The following FBN1 variants were observed in gnomAD, a reference collection of about 807,000 sequenced individuals.
FBN1 encodes fibrillin 1.
Under a neutral mutation model 365.1 loss-of-function variants are expected in FBN1, and 29 were observed. The observed-to-expected ratio is 0.08, with a 90% CI of 0.06 to 0.11. The LOEUF (loss-of-function observed/expected upper bound fraction) is 0.11, where lower values mean the gene tolerates loss of function less well. Ranked by LOEUF, FBN1 falls within the 10% of genes least tolerant of loss-of-function variation. The pLI is 1.00. For synonymous variants in FBN1, 1,210 were observed against 1,270.5 expected (o/e 0.95, Z 1.01); for missense variants, 2,476 against 3,703.2 (o/e 0.67, Z 8.60).
intron 15 of FBN1, 79 bp from the exon 16 acceptor site, chr15:48,505,226 C>A (rs891277197): frequency 2.9e-5 from 45 of 1,567,844 alleles, no homozygotes; most frequent in Non-Finnish European, 3.9e-5. Flanking sequence ...TATGTTTTAA[C>A]CCTTGAAAAT....
rs746496454 is a variant in FBN1 at position 48,463,961 on chromosome 15, C to T, written c.5003G>A (p.Gly1668Asp). 1 of 1,613,688 alleles carries T rather than the reference C, an allele frequency of 6.2e-7. No individual in the cohort carries two copies. The highest frequency in any genetic ancestry group is 8.5e-7 in the Non-Finnish European group (1 of 1,179,632). The stretch of plus-strand genomic sequence containing the variant: ...TGGAGGACAGATACAGGTGTAGTTG[C>T]CAACGGTGTTGTAACATGTCCCTGG... ...CGPGTCYNTV[G>D]NYTCICPPDY... The change falls in exon 41 of 66, where the codon GGC (glycine) becomes GAC (aspartate). Residue 1668 changes from glycine to aspartate, a missense_variant. By Grantham distance (94) the Gly-to-Asp change is moderately conservative. Coordinates refer to ENST00000316623, the MANE Select transcript of FBN1 (RefSeq NM_000138.5).
intron 45 of FBN1, among the ~76,000 whole-genome samples, chr15:48,449,160 G>A (rs917619508): frequency 6.6e-6 from 1 of 152,136 alleles, no homozygotes; most frequent in Non-Finnish European, 1.5e-5. Flanking sequence ...AGTAAAATGG[G>A]GGGATTCAAG....
Position 48,415,687 on chromosome 15 carries a change from G to T in FBN1, c.7900C>A (p.Pro2634Thr). The change falls in exon 64 of 66, where the codon CCC becomes ACC. Residue 2634 changes from proline (P) to threonine (T), a missense_variant. Coordinates refer to ENST00000316623, the MANE Select transcript of FBN1 (RefSeq NM_000138.5). ...NTLGSYKCMC[P>T]AGFQYEQFSG... ...AACTGTTCATACTGGAAGCCGGCGG[G>T]ACACATGCACTTGTAGCTCCCCAGG... 6 of 1,614,212 alleles carry T rather than the reference G, an allele frequency of 3.7e-6. No individual in the cohort carries two copies. Among genetic ancestry groups the T allele is most frequent in the Non-Finnish European group, 5.1e-6 (6 of 1,180,038 alleles).
chr15:48,538,200 C>T (rs2044029619), intron 6 of FBN1, among the ~76,000 whole-genome samples: 1 of 152,160 alleles, frequency 6.6e-6, no homozygotes, highest in African/African-American at 2.4e-5. Context: ...GCTTCAGTGA[C>T]TAAAAGAGGC....
At chr15:48,639,759 A>C (rs1890166601) in intron 2 of FBN1, among the ~76,000 whole-genome samples, 1 of 152,216 alleles carries the variant, frequency 6.6e-6, no homozygotes, top group African/African-American at 2.4e-5. Flanking sequence ...CGGTTTCTTC[A>C]AAGAATCTCA....
intron 50 of FBN1, among the ~76,000 whole-genome samples, chr15:48,439,992 T>C (rs2141243646): frequency 6.6e-6 from 1 of 152,332 alleles, no homozygotes; most frequent in Middle Eastern, 3.4e-3. Context: ...TCCTAATTTG[T>C]CATCTTACAA....
Position 48,568,053 on chromosome 15 carries a change from A to AAAGAAAGAAAGAAAGAAAG in FBN1, c.538+28211_538+28229dup, listed in dbSNP as rs2044273490. Among the ~76,000 whole-genome samples the AAAGAAAGAAAGAAAGAAAG allele has an allele frequency of 1.5e-3, 140 of 95,652 alleles. 1 individual carries two copies. Among genetic ancestry groups the AAAGAAAGAAAGAAAGAAAG allele is most frequent in the East Asian group, 6.7e-3 (22 of 3,300 alleles). The allele number at this position is 95,652 out of a possible 152,430, so 62.8% of individuals were successfully genotyped here. On this transcript the variant is annotated intron_variant, in intron 6 of 65. Coordinates refer to ENST00000316623, the MANE Select transcript of FBN1 (RefSeq NM_000138.5). ...AGAAAGAAAGAAAGAAAGAAAGAAG[A>AAAGAAAGAAAGAAAGAAAG]AAGAAAGAAAGAAAGAAAGAAAGAA...
chr15:48,411,042 C>T lies in FBN1; in HGVS notation c.8564G>A (p.Ser2855Asn), dbSNP rs762079635. The T allele has an allele frequency of 1.2e-6, 2 of 1,613,882 alleles. No individual in the cohort carries two copies. The highest frequency in any genetic ancestry group is 1.1e-5 in the South Asian group (1 of 91,016). Reference protein sequence around the residue: ...LEDKYDKDYLSGELGDNLKMK... With the variant: ...LEDKYDKDYLNGELGDNLKMK... ...CTTCAGATTATCACCCAGTTCACCA[C>T]TGAGGTAGTCTTTGTCATATTTGTC... The change falls in exon 66 of 66, where the codon AGT (serine) becomes AAT (asparagine). Residue 2855 changes from serine (S) to asparagine (N), a missense_variant. By Grantham distance (46) the Ser-to-Asn change is conservative. This residue lies in a region of FBN1 where 177 missense variants were observed against 192.7 expected (regional missense o/e 0.92). Transcript: ENST00000316623.
At chr15:48,466,587 T>C (rs1313073869) in intron 38 of FBN1, among the ~76,000 whole-genome samples, 1 of 152,212 alleles carries the variant, frequency 6.6e-6, no homozygotes, top group Non-Finnish European at 1.5e-5. Context: ...AGTTCTTTCA[T>C]AATGTCATGG....
intron 42 of FBN1, among the ~76,000 whole-genome samples, chr15:48,461,711 A>T (rs1329482595): frequency 1.3e-5 from 2 of 152,230 alleles, no homozygotes; most frequent in Non-Finnish European, 2.9e-5. Flanking sequence ...AAAGGGACAG[A>T]GAGTAAATAT....
chr15:48,491,124 A>T (rs2043554680), intron 24 of FBN1, among the ~76,000 whole-genome samples: 1 of 152,232 alleles, frequency 6.6e-6, no homozygotes, highest in Admixed American at 6.5e-5. Context: ...ACCTAGAAGA[A>T]GATTCTCATT....
In FBN1 at chr15:48,527,471, G is replaced by C. The variant is rs902979425; in HGVS notation, c.863-1216C>G. 2.6e-5 allele frequency among the ~76,000 whole-genome samples: 4 copies of C among 152,196 alleles called. 1 individual carries two copies. Among genetic ancestry groups the C allele is most frequent in the Middle Eastern group, 6.3e-3 (2 of 316 alleles). On this transcript the variant is annotated intron_variant, in intron 8 of 65. Coordinates refer to ENST00000316623, the MANE Select transcript of FBN1 (RefSeq NM_000138.5). ...CAGCAGAGCTTTCTGCACTGACCTT[G>C]GGAAAGGAGACATTTGAGCCAGGCC... is the stretch of plus-strand genomic sequence containing the variant.
At chr15:48,601,421 A>C (rs1402350520) in intron 4 of FBN1, among the ~76,000 whole-genome samples, 1 of 152,156 alleles carries the variant, frequency 6.6e-6, no homozygotes, top group Non-Finnish European at 1.5e-5. Context: ...TGGGCTTTGG[A>C]GGTTTGGCTT....
At position 48,520,780 on chromosome 15, in the gene FBN1, G is replaced by A. The variant is rs769282306; in HGVS notation, c.1026C>T (p.Asn342=). 12 of 1,614,072 alleles carry A rather than the reference G, an allele frequency of 7.4e-6. No individual in the cohort carries two copies. The highest frequency in any genetic ancestry group is 6.6e-5 in the South Asian group (6 of 91,082). The stretch of plus-strand genomic sequence containing the variant: ...GTGGCAGCTGGTTAGAGCAGCGCCC[G>A]TTTGTCAGAGCTGTGTAACAGTATC... ...RPGYCYTALT[N]GRCSNQLPQS... Residue 342 remains asparagine, a synonymous_variant, in exon 10 of 66, where the codon AAC becomes AAT. Transcript: ENST00000316623.
At chr15:48,430,102 C>A (rs998582867) in intron 56 of FBN1, among the ~76,000 whole-genome samples, 5 of 152,192 alleles carry the variant, frequency 3.3e-5, no homozygotes, top group Non-Finnish European at 5.9e-5. Flanking sequence ...TAAAAACACA[C>A]AGTGGGCTGG....
chr15:48,549,381 G>A (rs1431159940), intron 6 of FBN1, among the ~76,000 whole-genome samples: 3 of 152,214 alleles, frequency 2.0e-5, no homozygotes, highest in Non-Finnish European at 4.4e-5. Context: ...CAGGGAGGCG[G>A]CATGTACATG....
At chr15:48,480,704 C>A (rs2043459157) in intron 32 of FBN1, among the ~76,000 whole-genome samples, 1 of 152,132 alleles carries the variant, frequency 6.6e-6, no homozygotes, top group Non-Finnish European at 1.5e-5. Flanking sequence ...AGGATCTGCA[C>A]ATTTGCCCCA....
chr15:48,453,147 T>C (rs1262754989), intron 44 of FBN1, among the ~76,000 whole-genome samples: 1 of 151,608 alleles, frequency 6.6e-6, no homozygotes, highest in African/African-American at 2.4e-5. Flanking sequence ...TCCCAGCTAC[T>C]TGGGAAGCTG....
At chr15:48,602,529 G>C (rs2044575429) in intron 4 of FBN1, among the ~76,000 whole-genome samples, 1 of 152,136 alleles carries the variant, frequency 6.6e-6, no homozygotes, top group Non-Finnish European at 1.5e-5. Context: ...AGACCAAACT[G>C]AGACTTAGAA....
Sources: gnomAD v4.1 joint callset for allele counts (sites outside exome capture counted in the v4.1 genomes callset) on GRCh38, gnomAD v4.1.1 for gene constraint, gnomAD v4.1.1 regional missense constraint, MANE v1.5 for transcripts, NCBI Gene and HGNC (gene_info 2026-07-23, HGNC 2026-07-21) for gene names.